The following SBF2 variants were observed in gnomAD, a reference collection of about 807,000 sequenced individuals.
SBF2 encodes myotubularin-related protein 13.
A neutral mutation model predicts 225.2 loss-of-function variants in SBF2; 112 were observed. The observed-to-expected ratio is 0.50, with a 90% CI of 0.43 to 0.58. The LOEUF is 0.58. Ranked by LOEUF, SBF2 falls within the 20% of genes least tolerant of loss-of-function variation. SBF2 has a pLI of 0.00. For synonymous variants in SBF2, 763 were observed against 773.3 expected, an observed-to-expected ratio of 0.99 and a Z score of 0.22; for missense variants, 1,996 against 2,206.2, an observed-to-expected ratio of 0.90 and a Z score of 1.91.
At chr11:9,908,851 A>ATTT (rs34026186) in intron 16 of SBF2, among the ~76,000 whole-genome samples, 1 of 125,352 alleles carries the variant, frequency 8.0e-6, no homozygotes, top group Non-Finnish European at 1.7e-5. Flanking sequence ...CGCATGGCTA[A>ATTT]TTTTTTTTTT....
At chr11:10,273,390 G>A (rs1565423991) in intron 1 of SBF2, among the ~76,000 whole-genome samples, 1 of 152,056 alleles carries the variant, frequency 6.6e-6, no homozygotes, top group Non-Finnish European at 1.5e-5. Flanking sequence ...AATAAAAATT[G>A]TATCATTATT....
rs117643793 is a variant in SBF2, at chr11:10,180,848, C to G, written c.141+13054G>C. On this transcript the variant is annotated intron_variant, in intron 2 of 39. Coordinates refer to ENST00000256190, the MANE Select transcript of SBF2 (RefSeq NM_030962.4). ...TGCTGTTAAGAGACTCTGATGCATT[C>G]CTTAGCTTTATTGAAATCTTTCACT... Among the ~76,000 whole-genome samples, 557 of 152,208 alleles carry G rather than the reference C, an allele frequency of 3.7e-3. 1 individual carries two copies. The highest frequency in any genetic ancestry group is 6.8e-3 in the Non-Finnish European group (461 of 67,954).
intron 16 of SBF2, among the ~76,000 whole-genome samples, chr11:9,932,006 C>CGCTCAACTG (rs1565022046): frequency 6.6e-6 from 1 of 151,708 alleles, no homozygotes; most frequent in Non-Finnish European, 1.5e-5. Flanking sequence ...ATACCCAATT[C>CGCTCAACTG]GATCAACTGG....
intron 6 of SBF2, among the ~76,000 whole-genome samples, chr11:10,013,662 C>T (rs970321736): frequency 1.3e-5 from 2 of 152,124 alleles, no homozygotes; most frequent in South Asian, 2.1e-4. Flanking sequence ...TATTATTTTT[C>T]CTGCAACTAA....
intron 2 of SBF2, among the ~76,000 whole-genome samples, chr11:10,117,308 G>A (rs1053907448): frequency 3.9e-5 from 6 of 151,950 alleles, no homozygotes; most frequent in Admixed American, 1.3e-4. Context: ...AGGTGTGGTA[G>A]TGCACACCTG....
At chr11:10,292,718 G>A (rs1252090594) in intron 1 of SBF2, among the ~76,000 whole-genome samples, 1 of 151,788 alleles carries the variant, frequency 6.6e-6, no homozygotes, top group African/African-American at 2.4e-5. Context: ...AGTGGGGAGG[G>A]GGGGAGGCGG....
At chr11:9,827,795 T>C (rs986038778) in intron 28 of SBF2, among the ~76,000 whole-genome samples, 1 of 152,202 alleles carries the variant, frequency 6.6e-6, no homozygotes, top group Non-Finnish European at 1.5e-5. Flanking sequence ...CTATCTATAC[T>C]TCTGTGATAG....
At chr11:9,995,142 A>C (rs1269935557) in intron 9 of SBF2, among the ~76,000 whole-genome samples, 1 of 152,222 alleles carries the variant, frequency 6.6e-6, no homozygotes, top group Non-Finnish European at 1.5e-5. Flanking sequence ...GAAGTGCAAA[A>C]ATATATAAAG....
intron 13 of SBF2, among the ~76,000 whole-genome samples, chr11:9,969,280 C>A (rs1740198134): frequency 6.6e-6 from 1 of 152,190 alleles, no homozygotes. Context: ...CAAGTCAACA[C>A]CTCACGTTAC....
intron 22 of SBF2, among the ~76,000 whole-genome samples, 194 bp from the exon 23 acceptor site, chr11:9,847,277 C>T (rs1856615981): frequency 6.6e-6 from 1 of 152,052 alleles, no homozygotes; most frequent in African/African-American, 2.4e-5. Flanking sequence ...TTACATTTCA[C>T]ACAACTAGCA....
chr11:9,861,358 C>T (rs1857723246), intron 17 of SBF2, among the ~76,000 whole-genome samples: 2 of 152,138 alleles, frequency 1.3e-5, no homozygotes, highest in African/African-American at 4.8e-5. Flanking sequence ...CCATGCCTGG[C>T]TAATTTTAAA....
intron 17 of SBF2, among the ~76,000 whole-genome samples, chr11:9,875,336 T>C (rs1456713787): frequency 6.6e-6 from 1 of 152,236 alleles, no homozygotes; most frequent in Non-Finnish European, 1.5e-5. Flanking sequence ...CAGAGGATCA[T>C]TTCTCACTTC....
At chr11:10,201,342 T>A (rs1420209226) in intron 1 of SBF2, among the ~76,000 whole-genome samples, 2 of 152,238 alleles carry the variant, frequency 1.3e-5, no homozygotes, top group Admixed American at 1.3e-4. Flanking sequence ...ACCTGTGTTA[T>A]AATGCCAAGA....
chr11:10,301,114 C>G (rs1032118360), intron 1 of SBF2, among the ~76,000 whole-genome samples: 14 of 152,190 alleles, frequency 9.2e-5, no homozygotes, highest in Admixed American at 2.6e-4. Context: ...TATGCTGATG[C>G]TCTGGAAAAT....
intron 16 of SBF2, among the ~76,000 whole-genome samples, chr11:9,953,547 T>C (rs541855974): frequency 4.6e-5 from 7 of 152,186 alleles, no homozygotes; most frequent in African/African-American, 7.2e-5. Flanking sequence ...CTGGATGAGA[T>C]TGGAGACTAT....
At position 9,839,662 on chromosome 11, in the gene SBF2, G is replaced by A; in HGVS notation, c.3291C>T (p.Thr1097=). 1 of 1,614,128 alleles carries A rather than the reference G, an allele frequency of 6.2e-7. No individual in the cohort carries two copies. Among genetic ancestry groups the A allele is most frequent in the Non-Finnish European group, 8.5e-7 (1 of 1,179,996 alleles). ...SDESELPTST[T]LKASEKSTME... is the part of the protein sequence containing the mutation. ...TTGTAGACTTCTCGGAGGCCTTCAG[G>A]GTGGTACTTGTGGGGAGCTCACTCT... The change falls in exon 26 of 40, where the codon ACC becomes ACT. Residue 1097 remains threonine (T), a synonymous_variant. Coordinates refer to ENST00000256190, the MANE Select transcript of SBF2 (RefSeq NM_030962.4).
intron 16 of SBF2, chr11:9,959,690 T>C (rs574715129): frequency 2.1e-5 from 15 of 724,430 alleles, no homozygotes; most frequent in South Asian, 1.8e-4. Flanking sequence ...GTACCATCGA[T>C]TCAGATATAC....
At chr11:9,952,235 T>C (rs965620143) in intron 16 of SBF2, among the ~76,000 whole-genome samples, 1 of 119,824 alleles carries the variant, frequency 8.3e-6, no homozygotes, top group Non-Finnish European at 1.7e-5. Context: ...CTCTCTCTCA[T>C]AAAAATAAAT....
intron 16 of SBF2, among the ~76,000 whole-genome samples, chr11:9,907,047 T>A (rs866066191): frequency 6.6e-6 from 1 of 152,240 alleles, no homozygotes; most frequent in Non-Finnish European, 1.5e-5. Flanking sequence ...GAACTGACTT[T>A]CCTTTAGAGT....
Sources: allele counts gnomAD v4.1 joint callset (sites outside exome capture counted in the v4.1 genomes callset), GRCh38; gene constraint gnomAD v4.1.1; transcripts MANE v1.5; gene names NCBI Gene and HGNC (gene_info 2026-07-23, HGNC 2026-07-21).